The following DPYD variants were observed in gnomAD, a reference collection of about 807,000 sequenced individuals.
DPYD encodes the protein dihydropyrimidine dehydrogenase [NADP(+)].
Under a neutral mutation model 116.2 loss-of-function variants are expected in DPYD, and 109 were observed. The ratio of observed to expected loss-of-function variants is 0.94; its 90% CI spans 0.80 to 1.10. The LOEUF (loss-of-function observed/expected upper bound fraction) is 1.10, where lower values mean the gene tolerates loss of function less well. Ranked by LOEUF, DPYD falls within the 50% of genes least tolerant of loss-of-function variation. The pLI is 0.00. For missense variants in DPYD, 1,302 were observed against 1,254.5 expected (o/e 1.04, Z -0.57); for synonymous variants, 440 against 432.0 (o/e 1.02, Z -0.23).
chr1:97,591,152 C>CT (rs750209443), intron 10 of DPYD, among the ~76,000 whole-genome samples: 2 of 152,116 alleles, frequency 1.3e-5, no homozygotes, highest in East Asian at 1.9e-4. Context: ...ACTTCCTCAT[C>CT]TCTTTGTTCA....
At chr1:97,658,878 A>C (rs2100861799) in intron 8 of DPYD, among the ~76,000 whole-genome samples, 1 of 152,304 alleles carries the variant, frequency 6.6e-6, no homozygotes, top group East Asian at 1.9e-4. Context: ...AGATCCAGAA[A>C]CACTAGAGGT....
chr1:97,340,635 C>T (rs1251066116), intron 16 of DPYD, among the ~76,000 whole-genome samples: 1 of 152,066 alleles, frequency 6.6e-6, no homozygotes, highest in South Asian at 2.1e-4. Flanking sequence ...GTGAGCACGC[C>T]ACTGCACTCC....
At chr1:97,143,662 T>TA (rs1303259701) in intron 20 of DPYD, among the ~76,000 whole-genome samples, 3 of 152,098 alleles carry the variant, frequency 2.0e-5, no homozygotes, top group Non-Finnish European at 2.9e-5. Context: ...GCAAACACTA[T>TA]AAAAAATAGC....
chr1:97,288,543 T>C (rs1665900040), intron 18 of DPYD, among the ~76,000 whole-genome samples: 1 of 151,802 alleles, frequency 6.6e-6, no homozygotes, highest in Non-Finnish European at 1.5e-5. Flanking sequence ...CACTCAAAAC[T>C]GCTCAACTAC....
intron 13 of DPYD, among the ~76,000 whole-genome samples, chr1:97,514,010 C>T (rs987127724): frequency 2.0e-5 from 3 of 151,826 alleles, no homozygotes; most frequent in Non-Finnish European, 2.9e-5. Flanking sequence ...GTTGTACCCA[C>T]CATCAAAGTA....
At chr1:97,816,059 T>C (rs963488387) in intron 3 of DPYD, among the ~76,000 whole-genome samples, 7 of 152,026 alleles carry the variant, frequency 4.6e-5, no homozygotes, top group Admixed American at 3.3e-4. Context: ...ATTTTTAATT[T>C]TTAATTTTTT....
intron 11 of DPYD, among the ~76,000 whole-genome samples, chr1:97,560,886 C>T (rs565263985): frequency 4.6e-5 from 7 of 151,976 alleles, no homozygotes; most frequent in African/African-American, 9.7e-5. Flanking sequence ...GAACCAGTCA[C>T]GTGATGACTT....
At chr1:97,691,513 T>A (rs531525431) in intron 7 of DPYD, 5 of 525,672 alleles carry the variant, frequency 9.5e-6, no homozygotes, top group South Asian at 8.6e-5. Context: ...AGATGAGAAC[T>A]ATTGATTGCC....
At chr1:97,585,581 A>T (rs1037607406) in intron 10 of DPYD, among the ~76,000 whole-genome samples, 33 of 152,328 alleles carry the variant, frequency 2.2e-4, no homozygotes, top group East Asian at 3.9e-4. Context: ...AAAATTTTTT[A>T]AAAAATCACT....
intron 14 of DPYD, among the ~76,000 whole-genome samples, chr1:97,449,698 T>C (rs543531266): frequency 6.6e-6 from 1 of 152,344 alleles, no homozygotes; most frequent in Admixed American, 6.5e-5. Context: ...CTCAGGTTTA[T>C]ATTTAAAATG....
rs562304438 is a variant in DPYD at position 97,579,055 on chromosome 1, C to A, written c.1129-5085G>T. Among the ~76,000 whole-genome samples, 20 of 152,288 alleles carry A rather than the reference C, an allele frequency of 1.3e-4. No homozygotes were observed. In the East Asian group the frequency reaches 3.9e-3, roughly 29 times the overall value. ...GAGGAAGAATACCTTATTTAACATT[C>A]TATCCTTTATGTCCAAGAGTGATAT... On this transcript the variant is annotated intron_variant, in intron 10 of 22. Coordinates refer to ENST00000370192, the MANE Select transcript of DPYD (RefSeq NM_000110.4).
At chr1:97,582,471 C>T (rs1653757592) in intron 10 of DPYD, among the ~76,000 whole-genome samples, 1 of 152,108 alleles carries the variant, frequency 6.6e-6, no homozygotes, top group South Asian at 2.1e-4. Context: ...CAAACTCGGC[C>T]CATTCACACT....
intron 3 of DPYD, among the ~76,000 whole-genome samples, chr1:97,744,660 C>T (rs1215986274): frequency 1.3e-5 from 2 of 151,892 alleles, no homozygotes; most frequent in South Asian, 2.1e-4. Context: ...ATTGCATTTC[C>T]TTAGATATTT....
chr1:97,498,705 G>T (rs1376477865), intron 13 of DPYD, among the ~76,000 whole-genome samples: 2 of 151,332 alleles, frequency 1.3e-5, no homozygotes, highest in Non-Finnish European at 3.0e-5. Context: ...TATACAAAGT[G>T]GTGTCATGAC....
chr1:97,427,442 T>C (rs1295154520), intron 14 of DPYD, among the ~76,000 whole-genome samples: 1 of 152,002 alleles, frequency 6.6e-6, no homozygotes, highest in Non-Finnish European at 1.5e-5. Context: ...TGTGTGTCTG[T>C]TGTAGGAAAT....
chr1:97,760,378 C>A (rs765737128), intron 3 of DPYD, among the ~76,000 whole-genome samples: 11 of 151,766 alleles, frequency 7.2e-5, no homozygotes, highest in Non-Finnish European at 1.3e-4. Flanking sequence ...ATCTGCAGAT[C>A]CAACAAACTG....
At position 97,218,771 on chromosome 1, in the gene DPYD, C is replaced by T. The variant is rs1053244896; in HGVS notation, c.2442+16081G>A. ...AAATCAAAAGTGATGAGTGGGCTTT[C>T]TGAGAAGAAGATAACATCAGAGGGT... On this transcript the variant is annotated intron_variant, in intron 19 of 22. Coordinates refer to ENST00000370192, the MANE Select transcript of DPYD (RefSeq NM_000110.4). Among the ~76,000 whole-genome samples, 135 of 151,986 alleles carry T rather than the reference C, an allele frequency of 8.9e-4. 1 individual carries two copies. The highest frequency in any genetic ancestry group is 3.9e-4 in the East Asian group (2 of 5,174).
At chr1:97,510,607 A>T (rs1647715686) in intron 13 of DPYD, among the ~76,000 whole-genome samples, 1 of 151,952 alleles carries the variant, frequency 6.6e-6, no homozygotes, top group Non-Finnish European at 1.5e-5. Flanking sequence ...AATTGCTCTA[A>T]TCAGAGGGCA....
chr1:97,209,124 T>C (rs1247738254), intron 19 of DPYD, among the ~76,000 whole-genome samples: 1 of 152,142 alleles, frequency 6.6e-6, no homozygotes, highest in Non-Finnish European at 1.5e-5. Context: ...GACTTTCAAT[T>C]GTTATGCTTT....
Sources: gnomAD v4.1 joint callset for allele counts (sites outside exome capture counted in the v4.1 genomes callset) on GRCh38, gnomAD v4.1.1 for gene constraint, MANE v1.5 for transcripts, NCBI Gene and HGNC (gene_info 2026-07-23, HGNC 2026-07-21) for gene names.